The following DIAPH1 variants were observed in gnomAD, a reference collection of about 807,000 sequenced individuals.
DIAPH1 encodes the protein protein diaphanous homolog 1.
A neutral mutation model predicts 140.7 loss-of-function variants in DIAPH1; 46 were observed. The observed-to-expected ratio is 0.33, with a 90% CI of 0.26 to 0.42. The LOEUF is 0.42. DIAPH1 is among the 10% of genes least tolerant of loss of function. The pLI, the probability that DIAPH1 is intolerant of heterozygous loss-of-function variation, is 1.00. For synonymous variants in DIAPH1, 565 were observed against 551.6 expected (o/e 1.02, Z -0.34); for missense variants, 1,310 against 1,558.7 (o/e 0.84, Z 2.69).
chr5:141,606,081 G>C (rs1185617653), intron 1 of DIAPH1, among the ~76,000 whole-genome samples: 1 of 151,932 alleles, frequency 6.6e-6, no homozygotes, highest in Non-Finnish European at 1.5e-5. Context: ...TTTTAGAATA[G>C]TCCAAAACTA....
intron 22 of DIAPH1, 48 bp from the exon 23 acceptor site, chr5:141,528,630 C>G (rs776298359): frequency 6.2e-7 from 1 of 1,614,226 alleles, no homozygotes; most frequent in South Asian, 1.1e-5. Flanking sequence ...TCCAAGATGG[C>G]CTCCTGCCAA....
intron 1 of DIAPH1, among the ~76,000 whole-genome samples, chr5:141,591,480 T>C (rs886452648): frequency 6.6e-6 from 1 of 151,186 alleles, no homozygotes; most frequent in Non-Finnish European, 1.5e-5. Flanking sequence ...CCAAGTCTAT[T>C]ACACCTCTTC....
At chr5:141,602,075 C>T (rs1483804771) in intron 1 of DIAPH1, among the ~76,000 whole-genome samples, 26 of 152,126 alleles carry the variant, frequency 1.7e-4, no homozygotes, top group Admixed American at 1.7e-3. Flanking sequence ...TAGAATCATG[C>T]AGAACAGAGA....
chr5:141,606,385 C>T (rs985936042), intron 1 of DIAPH1, among the ~76,000 whole-genome samples: 1 of 152,048 alleles, frequency 6.6e-6, no homozygotes, highest in African/African-American at 2.4e-5. Context: ...TCAAATCCTG[C>T]TTTCATTTTT....
intron 7 of DIAPH1, among the ~76,000 whole-genome samples, chr5:141,581,342 GA>G (rs2154596522): frequency 6.6e-6 from 1 of 152,288 alleles, no homozygotes; most frequent in South Asian, 2.1e-4. Context: ...CTAGCCTCTA[GA>G]ATTGTGAGAT....
At chr5:141,600,463 T>C (rs918042983) in intron 1 of DIAPH1, among the ~76,000 whole-genome samples, 1 of 152,228 alleles carries the variant, frequency 6.6e-6, no homozygotes, top group Admixed American at 6.5e-5. Flanking sequence ...GGTGATGTTA[T>C]AAGCAATAGG....
In DIAPH1 at chr5:141,526,353, T is replaced by G. The variant is rs1484365124; in HGVS notation, c.3382A>C (p.Lys1128Gln). The G allele has an allele frequency of 1.2e-6, 2 of 1,614,146 alleles. No homozygotes were observed. Among genetic ancestry groups the G allele is most frequent in the Non-Finnish European group, 1.7e-6 (2 of 1,180,020 alleles). ...ATGAAAAATTCTTCAACAGACAACTTCTTGGGGTCAAAGAGGAAGTACTCG... is the reference window on the plus strand; with the variant it reads ...ATGAAAAATTCTTCAACAGACAACTGCTTGGGGTCAAAGAGGAAGTACTCG... ...LGEYFLFDPK[K>Q]LSVEEFFMDL... The change falls in exon 25 of 28, where the codon AAG becomes CAG. Residue 1128 changes from lysine (K) to glutamine (Q), a missense_variant. Physicochemically the swap from Lys to Gln is moderately conservative, Grantham distance 53. This residue lies in a region of DIAPH1 where 344 missense variants were observed against 512.2 expected (regional missense o/e 0.67). Transcript: ENST00000389054.
chr5:141,541,681 T>C (rs1408828256), intron 18 of DIAPH1, among the ~76,000 whole-genome samples: 1 of 84,202 alleles, frequency 1.2e-5, no homozygotes, highest in Non-Finnish European at 2.1e-5. Flanking sequence ...CAAGATTCTG[T>C]CTCAAAAAAA....
intron 18 of DIAPH1, among the ~76,000 whole-genome samples, chr5:141,556,612 A>C (rs779208979): frequency 1.4e-4 from 22 of 152,202 alleles, no homozygotes; most frequent in African/African-American, 7.2e-5. Flanking sequence ...AATCCTAAAG[A>C]AGAGGCTCTG....
At chr5:141,572,186 C>G (rs886208495) in intron 16 of DIAPH1, 146 bp from the exon 17 acceptor site, 46 of 700,192 alleles carry the variant, frequency 6.6e-5, no homozygotes, top group Non-Finnish European at 1.0e-4. Flanking sequence ...CACAGAATAG[C>G]TGCAGTGGGA....
At chr5:141,600,803 C>T (rs917972732) in intron 1 of DIAPH1, among the ~76,000 whole-genome samples, 3 of 152,164 alleles carry the variant, frequency 2.0e-5, no homozygotes, top group African/African-American at 4.8e-5. Context: ...AGGAAAAAAT[C>T]TATTCCTTGT....
chr5:141,540,707 C>T (rs1426155532), intron 18 of DIAPH1, among the ~76,000 whole-genome samples: 2 of 152,016 alleles, frequency 1.3e-5, no homozygotes, highest in Non-Finnish European at 2.9e-5. Flanking sequence ...TGAGCCACTG[C>T]ACCTGGTCTC....
chr5:141,582,502 C>G (rs1025403239), intron 6 of DIAPH1, 127 bp from the exon 7 acceptor site: 1 of 718,738 alleles, frequency 1.4e-6, no homozygotes, highest in Non-Finnish European at 2.5e-6. Flanking sequence ...TAGGAAATAG[C>G]ACCTTGCCCA....
chr5:141,593,602 C>T (rs2099898832), intron 1 of DIAPH1, among the ~76,000 whole-genome samples: 1 of 152,182 alleles, frequency 6.6e-6, no homozygotes, highest in Non-Finnish European at 1.5e-5. Flanking sequence ...TATAATTGTA[C>T]AGCACTACTA....
intron 18 of DIAPH1, among the ~76,000 whole-genome samples, chr5:141,542,716 T>G (rs1357603764): frequency 6.6e-6 from 1 of 152,224 alleles, no homozygotes; most frequent in Non-Finnish European, 1.5e-5. Flanking sequence ...GAGGAGCAAC[T>G]GCTTAAAGTG....
chr5:141,553,410 C>T (rs573764850), intron 18 of DIAPH1, among the ~76,000 whole-genome samples: 30 of 152,268 alleles, frequency 2.0e-4, no homozygotes, highest in African/African-American at 7.0e-4. Flanking sequence ...GAGGTCAAGG[C>T]AGGTGGATCA....
chr5:141,571,753 T>C, intron 17 of DIAPH1, 173 bp downstream of exon 17: 1 of 713,324 alleles, frequency 1.4e-6, no homozygotes, highest in South Asian at 1.5e-5. Flanking sequence ...AGTAACTCCA[T>C]AATATTTAAT....
rs1562333417 is a variant in DIAPH1 at position 141,587,058 on chromosome 5, A to T, written c.284T>A (p.Leu95His). The T allele has an allele frequency of 6.2e-7, 1 of 1,614,168 alleles. No homozygotes were observed. Among genetic ancestry groups the T allele is most frequent in the East Asian group, 2.2e-5 (1 of 44,880 alleles). Residue 95 changes from leucine to histidine, a missense_variant, in exon 3 of 28, where the codon CTC (leucine) becomes CAC (histidine). Transcript: ENST00000389054. ...GAAACTTACCAGCATCTGTTCAAAG[A>T]GAACCAGCACTTGTTCATCTGAAAC... is the stretch of plus-strand genomic sequence containing the variant. ...QDVSDEQVLV[L>H]FEQMLLDMNL...
At position 141,615,910 on chromosome 5, in the gene DIAPH1, C is replaced by T. The variant is rs143689804; in HGVS notation, c.117+2888G>A. 2.3e-3 allele frequency among the ~76,000 whole-genome samples: 344 copies of T among 152,282 alleles called. 2 individuals carry two copies. Among genetic ancestry groups the T allele is most frequent in the African/African-American group, 7.7e-3 (320 of 41,552 alleles). ...ATCCCGGTTCTACTTATTCCCCTTA[C>T]GTATATTTTGGAAATCAGTCTATTT... On this transcript the variant is annotated intron_variant, in intron 1 of 27. Transcript: ENST00000389054.
Sources: gnomAD v4.1 joint callset for allele counts (sites outside exome capture counted in the v4.1 genomes callset) on GRCh38, gnomAD v4.1.1 for gene constraint, gnomAD v4.1.1 regional missense constraint, MANE v1.5 for transcripts, NCBI Gene and HGNC (gene_info 2026-07-23, HGNC 2026-07-21) for gene names.